TMEM163: variants seen among roughly 807,000 people sequenced by gnomAD.
TMEM163 encodes transmembrane protein 163.
A neutral mutation model predicts 29.3 loss-of-function variants in TMEM163; 17 were observed. The ratio of observed to expected loss-of-function variants is 0.58; its 90% CI spans 0.40 to 0.87. The LOEUF (loss-of-function observed/expected upper bound fraction) is 0.87, where lower values mean the gene tolerates loss of function less well. TMEM163 is among the 40% of genes least tolerant of loss of function. The pLI, the probability that TMEM163 is intolerant of heterozygous loss-of-function variation, is 0.00. For missense variants in TMEM163, 303 were observed against 381.5 expected (o/e 0.79, Z 1.71); for synonymous variants, 157 against 160.6 (o/e 0.98, Z 0.17).
chr2:134,540,840 T>C (rs1006577445), intron 4 of TMEM163, among the ~76,000 whole-genome samples: 2 of 152,194 alleles, frequency 1.3e-5, no homozygotes, highest in Non-Finnish European at 2.9e-5. Flanking sequence ...TTACATAAAA[T>C]GAAGAAATTC....
intron 2 of TMEM163, among the ~76,000 whole-genome samples, chr2:134,612,922 G>A (rs1307320774): frequency 6.6e-6 from 1 of 152,182 alleles, no homozygotes; most frequent in Non-Finnish European, 1.5e-5. Context: ...AATAAAAACT[G>A]TCTCAGAGGA....
chr2:134,515,521 C>T (rs986093008), intron 4 of TMEM163, among the ~76,000 whole-genome samples: 12 of 152,146 alleles, frequency 7.9e-5, no homozygotes, highest in South Asian at 6.2e-4. Context: ...TCACTTTGAT[C>T]CACTTCTGGG....
intron 2 of TMEM163, among the ~76,000 whole-genome samples, chr2:134,616,596 G>A (rs1682613854): frequency 6.6e-6 from 1 of 152,116 alleles, no homozygotes; most frequent in African/African-American, 2.4e-5. Flanking sequence ...AGCTCATGTT[G>A]AGAAATAAAG....
At chr2:134,708,567 T>A (rs190764108) in intron 2 of TMEM163, among the ~76,000 whole-genome samples, 94 of 151,570 alleles carry the variant, frequency 6.2e-4, no homozygotes, top group African/African-American at 1.6e-3. Flanking sequence ...ATATATTTTT[T>A]AATTTTATTT....
At chr2:134,567,115 G>A (rs189400469) in intron 2 of TMEM163, among the ~76,000 whole-genome samples, 5 of 152,226 alleles carry the variant, frequency 3.3e-5, no homozygotes, top group African/African-American at 4.8e-5. Context: ...CATATGCTTC[G>A]GTTTTCTTAC....
At chr2:134,514,213 G>C (rs912216305) in intron 4 of TMEM163, among the ~76,000 whole-genome samples, 1 of 152,126 alleles carries the variant, frequency 6.6e-6, no homozygotes, top group Admixed American at 6.5e-5. Context: ...CCTGTCACAA[G>C]AATGAAGAGG....
intron 2 of TMEM163, among the ~76,000 whole-genome samples, chr2:134,562,848 A>G (rs60105439): frequency 0.035 from 5,339 of 152,314 alleles, 330 homozygotes; most frequent in African/African-American, 0.12. Context: ...ATGATCAAAG[A>G]TCCAGAAAAT....
At chr2:134,571,072 C>T (rs534509137) in intron 2 of TMEM163, among the ~76,000 whole-genome samples, 1 of 152,278 alleles carries the variant, frequency 6.6e-6, no homozygotes, top group East Asian at 1.9e-4. Context: ...AGTACTACCC[C>T]ACTCATCTTG....
intron 2 of TMEM163, among the ~76,000 whole-genome samples, chr2:134,597,089 A>T (rs1682104699): frequency 6.6e-6 from 1 of 152,076 alleles, no homozygotes; most frequent in Non-Finnish European, 1.5e-5. Context: ...TCTTTTCCTA[A>T]TTGAATACCC....
chr2:134,691,538 G>A (rs1347709411), intron 2 of TMEM163, among the ~76,000 whole-genome samples: 3 of 152,108 alleles, frequency 2.0e-5, no homozygotes, highest in South Asian at 2.1e-4. Context: ...ACACACACAC[G>A]TGCATGTACA....
At chr2:134,586,143 G>A (rs954937599) in intron 2 of TMEM163, among the ~76,000 whole-genome samples, 1 of 152,202 alleles carries the variant, frequency 6.6e-6, no homozygotes, top group East Asian at 1.9e-4. Flanking sequence ...GGCACCTGTT[G>A]GAGAAATGGC....
At chr2:134,701,916 CAAAAAAAAAAAA>C (rs71301801) in intron 2 of TMEM163, among the ~76,000 whole-genome samples, 1 of 66,558 alleles carries the variant, frequency 1.5e-5, no homozygotes, top group African/African-American at 4.7e-5. Context: ...AAAACTGTCT[CAAAAAAAAAAAA>C]AAAAAAAAAG....
chr2:134,594,851 G>GTCTC lies in TMEM163; in HGVS notation c.323-42764_323-42761dup, dbSNP rs70973456. The stretch of plus-strand genomic sequence containing the variant: ...GCTACATGGACTCAAGAGACCTTGA[G>GTCTC]TCTCTCTCTCTCTCTCTCTCTCTCT... On this transcript the variant is annotated intron_variant, in intron 2 of 7. Coordinates refer to ENST00000281924, the MANE Select transcript of TMEM163 (RefSeq NM_030923.5). Among the ~76,000 whole-genome samples, 873 of 147,946 alleles carry GTCTC rather than the reference G, an allele frequency of 5.9e-3. 12 individuals carry two copies. In the Middle Eastern group the frequency reaches 0.095, roughly 16 times the overall value.
intron 2 of TMEM163, among the ~76,000 whole-genome samples, chr2:134,552,880 G>A (rs774982985): frequency 2.0e-5 from 3 of 151,574 alleles, no homozygotes; most frequent in African/African-American, 7.3e-5. Flanking sequence ...GGCTAGTTTC[G>A]AACTCCTGAT....
At chr2:134,464,076 T>A (rs1336895705) in intron 6 of TMEM163, among the ~76,000 whole-genome samples, 1 of 152,182 alleles carries the variant, frequency 6.6e-6, no homozygotes, top group Non-Finnish European at 1.5e-5. Flanking sequence ...TTTTACCATC[T>A]AAGTAGGTTT....
intron 2 of TMEM163, among the ~76,000 whole-genome samples, chr2:134,586,979 G>A (rs959889567): frequency 9.2e-5 from 14 of 152,254 alleles, no homozygotes; most frequent in African/African-American, 2.9e-4. Flanking sequence ...TGGGCAAAAT[G>A]AGAAGGGGAA....
intron 2 of TMEM163, among the ~76,000 whole-genome samples, chr2:134,648,655 T>C (rs575098031): frequency 3.3e-5 from 5 of 152,322 alleles, no homozygotes; most frequent in Admixed American, 1.3e-4. Context: ...ATTTGAATTG[T>C]ATACACAAAG....
At chr2:134,697,845 C>T (rs543401475) in intron 2 of TMEM163, among the ~76,000 whole-genome samples, 3 of 152,088 alleles carry the variant, frequency 2.0e-5, no homozygotes, top group Admixed American at 1.3e-4. Context: ...TTATTAAAGA[C>T]TTTTTGTATC....
At chr2:134,634,827 G>A (rs1326215651) in intron 2 of TMEM163, among the ~76,000 whole-genome samples, 1 of 152,260 alleles carries the variant, frequency 6.6e-6, no homozygotes, top group Non-Finnish European at 1.5e-5. Flanking sequence ...TTGGCCCATA[G>A]GCCATAGTTT....
Sources: gnomAD v4.1 joint callset for allele counts (sites outside exome capture counted in the v4.1 genomes callset) on GRCh38, gnomAD v4.1.1 for gene constraint, MANE v1.5 for transcripts, NCBI Gene and HGNC (gene_info 2026-07-23, HGNC 2026-07-21) for gene names.